CRADD: variants seen among roughly 807,000 people sequenced by gnomAD.
The protein encoded by CRADD is death domain-containing protein CRADD.
Under a neutral mutation model 15.5 loss-of-function variants are expected in CRADD, and 9 were observed. That is an observed-to-expected ratio of 0.58 (90% CI 0.35 to 1.01). CRADD has a LOEUF of 1.01. Among genes scored for constraint, CRADD ranks in the 50% least tolerant of loss-of-function variants. The pLI, the probability that CRADD is intolerant of heterozygous loss-of-function variation, is 0.02. For synonymous variants in CRADD, 118 were observed against 107.6 expected, an observed-to-expected ratio of 1.10 and a Z score of -0.60; for missense variants, 227 against 250.3, an observed-to-expected ratio of 0.91 and a Z score of 0.63.
intron 2 of CRADD, among the ~76,000 whole-genome samples, chr12:93,718,520 T>C (rs185201108): frequency 6.6e-6 from 1 of 152,296 alleles, no homozygotes; most frequent in Admixed American, 6.5e-5. Context: ...TTCTGAATCT[T>C]CTTATAATTG....
At chr12:93,808,376 T>G (rs1057120757) in intron 2 of CRADD, among the ~76,000 whole-genome samples, 10 of 152,132 alleles carry the variant, frequency 6.6e-5, no homozygotes, top group Admixed American at 4.6e-4. Flanking sequence ...AACTCCCATT[T>G]ATAAAACCAT....
intron 2 of CRADD, among the ~76,000 whole-genome samples, chr12:93,795,885 G>A (rs1337400169): frequency 2.0e-5 from 3 of 152,170 alleles, no homozygotes; most frequent in Non-Finnish European, 2.9e-5. Context: ...TTGGCTCTTG[G>A]ACTGAGACAC....
At chr12:93,708,649 C>T (rs1424005966) in intron 2 of CRADD, 1 of 152,278 alleles carries the variant, frequency 6.6e-6, no homozygotes, top group Non-Finnish European at 1.5e-5. Context: ...ACACATTTAT[C>T]TCCATGAAGC....
intron 2 of CRADD, among the ~76,000 whole-genome samples, chr12:93,881,543 G>A (rs1041352836): frequency 6.6e-6 from 1 of 152,088 alleles, no homozygotes; most frequent in African/African-American, 2.4e-5. Flanking sequence ...TTTAGAAAGA[G>A]GGAGGGATGA....
chr12:93,685,724 G>C (rs960081363), intron 2 of CRADD, among the ~76,000 whole-genome samples: 1 of 152,212 alleles, frequency 6.6e-6, no homozygotes, highest in African/African-American at 2.4e-5. Flanking sequence ...AGGCACAGTG[G>C]CTCACTCCTG....
In CRADD at chr12:93,678,839, T is replaced by C. The variant is rs576709943; in HGVS notation, c.65T>C (p.Val22Ala). ...CTGGAGCTGGGTGCAGAGGTATTGG[T>C]GGAGGGACTGGTTCTTCAGTACCTC... The part of the protein sequence containing the change: ...LRLELGAEVL[V>A]EGLVLQYLYQ... The change falls in exon 2 of 3, where the codon GTG becomes GCG. Residue 22 changes from valine to alanine, a missense_variant. By Grantham distance (64) the Val-to-Ala change is moderately conservative. Transcript: ENST00000332896. 91 of 1,614,196 alleles carry C rather than the reference T, an allele frequency of 5.6e-5. 1 individual carries two copies. In the South Asian group the frequency reaches 9.7e-4, roughly 17 times the overall value.
At chr12:93,802,530 A>G (rs1957487751) in intron 2 of CRADD, among the ~76,000 whole-genome samples, 1 of 152,194 alleles carries the variant, frequency 6.6e-6, no homozygotes, top group Non-Finnish European at 1.5e-5. Context: ...GCATATCCCA[A>G]TGGCCAACTG....
At chr12:93,882,281 C>A (rs1450505915) in intron 2 of CRADD, among the ~76,000 whole-genome samples, 1 of 150,138 alleles carries the variant, frequency 6.7e-6, no homozygotes, top group Non-Finnish European at 1.5e-5. Context: ...ATTAGCTGGG[C>A]GTGGTGGCAG....
chr12:93,850,625 ACAGG>A lies in CRADD; in HGVS notation c.*359_*362del. 1.1e-6 allele frequency: 1 copy of A among 935,222 alleles called. No homozygotes were observed. Among genetic ancestry groups the A allele is most frequent in the Non-Finnish European group, 1.3e-6 (1 of 783,146 alleles). The allele number at this position is 935,222 out of a possible 1,614,324, so 57.9% of individuals were successfully genotyped here. On this transcript the variant is annotated 3_prime_UTR_variant, in exon 3 of 3. Coordinates refer to ENST00000332896, the MANE Select transcript of CRADD (RefSeq NM_003805.5). The surrounding 1 kb of genome is among the most constrained non-coding windows in gnomAD (Gnocchi z 4.0). ...TATATATATCTCATGTCATCACATT[ACAGG>A]CAGGTGTCTCATATGTAAAACATTT...
chr12:93,780,832 C>T (rs2136971585), intron 2 of CRADD, among the ~76,000 whole-genome samples: 1 of 132,018 alleles, frequency 7.6e-6, no homozygotes, highest in Middle Eastern at 3.4e-3. Flanking sequence ...CCCCTGCCTC[C>T]TAGGTTCAAG....
At chr12:93,685,822 A>G (rs998304961) in intron 2 of CRADD, among the ~76,000 whole-genome samples, 16 of 132,052 alleles carry the variant, frequency 1.2e-4, no homozygotes, top group Middle Eastern at 5.6e-3. Flanking sequence ...TGAAACCCCC[A>G]TCTCTACTTA....
chr12:93,709,494 AAAG>A (rs1956021989), intron 2 of CRADD, among the ~76,000 whole-genome samples: 3 of 152,168 alleles, frequency 2.0e-5, no homozygotes, highest in Admixed American at 2.0e-4. Context: ...CTCCCACTAA[AAAG>A]TGAGAACATG....
At chr12:93,861,849 G>C (rs541306432) in intron 2 of CRADD, among the ~76,000 whole-genome samples, 2 of 152,070 alleles carry the variant, frequency 1.3e-5, no homozygotes, top group African/African-American at 4.8e-5. Flanking sequence ...TTGAAGACAG[G>C]GTGATATGGT....
At chr12:93,853,159 G>A (rs75349736), downstream of CRADD, among the ~76,000 whole-genome samples, 1 of 149,962 alleles carries the variant, frequency 6.7e-6, no homozygotes, top group Non-Finnish European at 1.5e-5. Context: ...ATTTTTTTTT[G>A]TCGATGTGGG....
At chr12:93,881,914 G>T (rs190452277) in intron 2 of CRADD, among the ~76,000 whole-genome samples, 67 of 150,496 alleles carry the variant, frequency 4.5e-4, no homozygotes, top group African/African-American at 1.6e-3. Flanking sequence ...ATCACTAGAG[G>T]TCAGGAGTTT....
intron 2 of CRADD, among the ~76,000 whole-genome samples, chr12:93,711,055 C>CCCCTTTTTTTTT: frequency 4.6e-5 from 2 of 43,508 alleles, no homozygotes; most frequent in Non-Finnish European, 4.4e-5. Context: ...CCACCCCCGC[C>CCCCTTTTTTTTT]TTTTTTTTTT....
At chr12:93,685,565 T>C (rs1397543167) in intron 2 of CRADD, among the ~76,000 whole-genome samples, 1 of 152,190 alleles carries the variant, frequency 6.6e-6, no homozygotes, top group East Asian at 1.9e-4. Context: ...ACAATTTTTA[T>C]GTATCAACCA....
chr12:93,738,616 C>G (rs985709887), intron 2 of CRADD: 14 of 584,588 alleles, frequency 2.4e-5, no homozygotes, highest in Non-Finnish European at 4.2e-5. Context: ...TTAATAAAAA[C>G]TAAAACTGAT....
chr12:93,847,680 A>AG (rs1421998467), intron 2 of CRADD, among the ~76,000 whole-genome samples: 1 of 152,132 alleles, frequency 6.6e-6, no homozygotes, highest in Admixed American at 6.5e-5. Flanking sequence ...CAATGGGGCA[A>AG]GGGGGCATGG....
Sources: allele counts gnomAD v4.1 joint callset (sites outside exome capture counted in the v4.1 genomes callset), GRCh38; gene constraint gnomAD v4.1.1; non-coding constraint Gnocchi (gnomAD v3.1); transcripts MANE v1.5; gene names NCBI Gene and HGNC (gene_info 2026-07-23, HGNC 2026-07-21).